UBE2D4: variants seen among roughly 807,000 people sequenced by gnomAD.
UBE2D4 encodes ubiquitin-conjugating enzyme E2 D4.
In UBE2D4, 17 loss-of-function variants were observed where a neutral mutation model predicts 23.0. The ratio of observed to expected loss-of-function variants is 0.74; its 90% CI spans 0.51 to 1.11. UBE2D4 has a LOEUF of 1.11. UBE2D4 is among the 50% of genes least tolerant of loss of function. The probability of loss-of-function intolerance (pLI) is 0.00; values close to 1 mark genes in which losing one functional copy is unlikely to be tolerated. For missense variants in UBE2D4, 139 were observed against 181.8 expected, an observed-to-expected ratio of 0.76 and a Z score of 1.35; for synonymous variants, 61 against 69.4, an observed-to-expected ratio of 0.88 and a Z score of 0.60.
rs143393746 is a variant in UBE2D4, at chr7:43,932,565, G to A, written c.25-5866G>A. Among the ~76,000 whole-genome samples the A allele has an allele frequency of 6.4e-3, 980 of 152,300 alleles. 7 individuals are homozygous for A. Among genetic ancestry groups the A allele is most frequent in the Admixed American group, 0.01 (157 of 15,306 alleles). On this transcript the variant is annotated intron_variant, in intron 1 of 6. Transcript: ENST00000222402. ...CTCAGCACTTTGGGAGGCCGAGGTG[G>A]ATGGATCACTTGAGGCCAGGAGTTT... is the stretch of plus-strand genomic sequence containing the variant.
intron 1 of UBE2D4, among the ~76,000 whole-genome samples, chr7:43,930,644 G>A (rs1162283874): frequency 6.6e-6 from 1 of 151,910 alleles, no homozygotes. Context: ...TGTAGAGAGT[G>A]GATTTCACCA....
intron 1 of UBE2D4, among the ~76,000 whole-genome samples, chr7:43,933,502 A>T (rs923667132): frequency 6.6e-6 from 1 of 152,098 alleles, no homozygotes; most frequent in Non-Finnish European, 1.5e-5. Context: ...GCACTTTGGG[A>T]GGCTGAGGCA....
At chr7:43,928,310 AC>A (rs2095937716) in intron 1 of UBE2D4, among the ~76,000 whole-genome samples, 1 of 152,022 alleles carries the variant, frequency 6.6e-6, no homozygotes, top group South Asian at 2.1e-4. Flanking sequence ...TTTGGGGGGG[AC>A]AAATATCCAA....
At chr7:43,947,351 G>A (rs920774237) in intron 4 of UBE2D4, 12 of 152,130 alleles carry the variant, frequency 7.9e-5, no homozygotes, top group East Asian at 3.9e-4. Flanking sequence ...GGCTGGTCTC[G>A]AACTGCTGAC....
At chr7:43,949,011 T>TA (rs1387447091) in intron 5 of UBE2D4, 1 of 440,842 alleles carries the variant, frequency 2.3e-6, no homozygotes, top group African/African-American at 2.0e-5. Context: ...TGATTCTACT[T>TA]ATATTTTTTT....
intron 1 of UBE2D4, among the ~76,000 whole-genome samples, chr7:43,931,615 G>A (rs1350498153): frequency 7.2e-6 from 1 of 139,246 alleles, no homozygotes; most frequent in Non-Finnish European, 1.6e-5. Flanking sequence ...CGGGGTGGGG[G>A]GGCGGGGGGG....
intron 6 of UBE2D4, 106 bp from the exon 7 acceptor site, chr7:43,952,544 A>G (rs967711386): frequency 5.6e-5 from 53 of 949,508 alleles, no homozygotes; most frequent in Middle Eastern, 4.3e-4. Flanking sequence ...ATGTTTGACA[A>G]GCAGCAGCAG....
At chr7:43,926,970 C>T (rs2132742357) in intron 1 of UBE2D4, among the ~76,000 whole-genome samples, 1 of 152,258 alleles carries the variant, frequency 6.6e-6, no homozygotes, top group South Asian at 2.1e-4. Context: ...GGGGAGACTA[C>T]GAGGCTTGGA....
intron 4 of UBE2D4, chr7:43,945,017 G>A (rs756941926): frequency 3.3e-5 from 5 of 151,940 alleles, no homozygotes; most frequent in East Asian, 1.9e-4. Flanking sequence ...TTTGAGACAC[G>A]GTTTCACTCT....
chr7:43,938,389 C>G, intron 1 of UBE2D4, 42 bp from the exon 2 acceptor site: 1 of 1,587,606 alleles, frequency 6.3e-7, no homozygotes, highest in Non-Finnish European at 8.6e-7. Context: ...GAGGCAGCAT[C>G]CCCAGCATAC....
intron 4 of UBE2D4, chr7:43,943,851 T>G (rs957751896): frequency 5.9e-5 from 9 of 152,512 alleles, no homozygotes; most frequent in African/African-American, 2.2e-4. Flanking sequence ...AGGCTCATAG[T>G]CCTGTGGAGG....
intron 6 of UBE2D4, chr7:43,952,061 G>C (rs2132806737): frequency 6.6e-6 from 1 of 152,402 alleles, no homozygotes; most frequent in Middle Eastern, 3.4e-3. Flanking sequence ...ATGAGAGTAA[G>C]TGCACACACC....
rs888594513 is a variant in UBE2D4 at position 43,938,541 on chromosome 7, A to G, written c.88+47A>G. On this transcript the variant is annotated intron_variant, in intron 2 of 6. Transcript: ENST00000222402. The stretch of plus-strand genomic sequence containing the variant: ...AAGTTGTAGGAGCATTTTAATTAAG[A>G]CCCCCCAACTTAGGCCAGGTGCGGT... 2.5e-6 allele frequency: 4 copies of G among 1,591,114 alleles called. No homozygotes were observed. The African/African-American group carries it at 5.4e-5, about 21-fold the overall frequency.
At chr7:43,928,003 C>A in intron 1 of UBE2D4, 1 of 450,014 alleles carries the variant, frequency 2.2e-6, no homozygotes, top group South Asian at 1.6e-5. Flanking sequence ...ATTTGGCTCT[C>A]GGTTCTGCAG....
At position 43,938,495 on chromosome 7, in the gene UBE2D4, G is replaced by C. The variant is rs778209451; in HGVS notation, c.88+1G>C. 1.9e-6 allele frequency: 3 copies of C among 1,613,970 alleles called. No individual in the cohort carries two copies. In the Admixed American group the frequency reaches 5.0e-5, roughly 27 times the overall value. On this transcript the variant is annotated splice_donor_variant, in intron 2 of 6. Transcript: ENST00000222402. LOFTEE classifies it high-confidence loss of function. ...TCTGCAGGACCTGTCGGTGATGACT[G>C]TAAGTATTTTGGGGGGCTTCAAGTT...
chr7:43,930,871 C>T (rs1179163563), intron 1 of UBE2D4, among the ~76,000 whole-genome samples: 1 of 152,030 alleles, frequency 6.6e-6, no homozygotes, highest in Non-Finnish European at 1.5e-5. Flanking sequence ...CACAGTGGCT[C>T]ATGTCTGTAA....
rs1204868692 is a variant in UBE2D4 at position 43,950,685 on chromosome 7, A to G, written c.391A>G (p.Arg131Gly). Residue 131 changes from arginine (R) to glycine (G), a missense_variant, in exon 6 of 7, where the codon AGA becomes GGA. Arg to Gly is a moderately radical substitution (Grantham distance 125). Coordinates refer to ENST00000222402, the MANE Select transcript of UBE2D4 (RefSeq NM_015983.4). The part of the protein sequence containing the change: ...PEIAHTYKAD[R>G]EKYNRLAREW... The stretch of plus-strand genomic sequence containing the variant: ...GATAGCACACACCTACAAGGCCGAC[A>G]GAGAGAAGTACGTGTCCTCTTTGGG... The G allele has an allele frequency of 6.2e-7, 1 of 1,614,036 alleles. No homozygotes were observed. The highest frequency in any genetic ancestry group is 2.2e-5 in the East Asian group (1 of 44,878).
intron 1 of UBE2D4, among the ~76,000 whole-genome samples, chr7:43,933,070 CAT>C (rs1157060285): frequency 2.8e-4 from 41 of 143,908 alleles, no homozygotes; most frequent in Admixed American, 2.5e-3. Flanking sequence ...TATATACACA[CAT>C]ATATATACAC....
intron 4 of UBE2D4, 145 bp from the exon 5 acceptor site, chr7:43,948,487 G>C (rs2095993605): frequency 1.7e-6 from 1 of 598,516 alleles, no homozygotes; most frequent in East Asian, 2.7e-5. Context: ...GAGTTTGGGA[G>C]TGGGGGTCTG....
Sources: gnomAD v4.1 joint callset for allele counts (sites outside exome capture counted in the v4.1 genomes callset) on GRCh38, gnomAD v4.1.1 for gene constraint, MANE v1.5 for transcripts, NCBI Gene and HGNC (gene_info 2026-07-23, HGNC 2026-07-21) for gene names.